Variants in TMEM163 observed in about 807,000 individuals in gnomAD.
TMEM163 encodes transmembrane protein 163.
A neutral mutation model predicts 29.3 loss-of-function variants in TMEM163; 17 were observed. The ratio of observed to expected loss-of-function variants is 0.58; its 90% CI spans 0.40 to 0.87. The LOEUF (loss-of-function observed/expected upper bound fraction) is 0.87, where lower values mean the gene tolerates loss of function less well. Among genes scored for constraint, TMEM163 ranks in the 40% least tolerant of loss-of-function variants. TMEM163 has a pLI of 0.00. For missense variants in TMEM163, 303 were observed against 381.5 expected, an observed-to-expected ratio of 0.79 and a Z score of 1.71; for synonymous variants, 157 against 160.6, an observed-to-expected ratio of 0.98 and a Z score of 0.17.
At chr2:134,666,370 C>G (rs897734985) in intron 2 of TMEM163, among the ~76,000 whole-genome samples, 1 of 152,058 alleles carries the variant, frequency 6.6e-6, no homozygotes, top group Admixed American at 6.5e-5. Context: ...TCTCATGGCT[C>G]TCCCTCACCC....
At chr2:134,463,545 T>C (rs1426182492) in intron 6 of TMEM163, among the ~76,000 whole-genome samples, 1 of 152,220 alleles carries the variant, frequency 6.6e-6, no homozygotes, top group Non-Finnish European at 1.5e-5. Context: ...AATTCTACGA[T>C]GTCTCAGTGG....
rs536504750 is a variant in TMEM163, at chr2:134,511,399, T to C, written c.459-8402A>G. Among the ~76,000 whole-genome samples, 14 of 152,286 alleles carry C rather than the reference T, an allele frequency of 9.2e-5. No homozygotes were observed. The South Asian group carries it at 2.9e-3, about 32-fold the overall frequency. ...CCATTACCACAAGGACTTGTGTTTT[T>C]CCACTAAGGATGGCAGGGCACCACT... On this transcript the variant is annotated intron_variant, in intron 4 of 7. Transcript: ENST00000281924.
rs536560442 is a variant in TMEM163, at chr2:134,592,528, G to T, written c.323-40437C>A. On this transcript the variant is annotated intron_variant, in intron 2 of 7. Coordinates refer to ENST00000281924, the MANE Select transcript of TMEM163 (RefSeq NM_030923.5). ...AAAGAATCTGTTTTGTCAGTGTTAG[G>T]ATCTCTATTTTAATGTTAATGCTGG... Among the ~76,000 whole-genome samples the T allele has an allele frequency of 7.9e-5, 12 of 152,264 alleles. 1 individual carries two copies. The South Asian group carries it at 2.5e-3, about 32-fold the overall frequency.
At chr2:134,616,626 T>C (rs1682614275) in intron 2 of TMEM163, among the ~76,000 whole-genome samples, 1 of 152,194 alleles carries the variant, frequency 6.6e-6, no homozygotes, top group Non-Finnish European at 1.5e-5. Flanking sequence ...TTTATTTCTA[T>C]TTTTTAATTC....
chr2:134,710,656 G>C (rs562848935), intron 2 of TMEM163, among the ~76,000 whole-genome samples: 1 of 150,792 alleles, frequency 6.6e-6, no homozygotes, highest in East Asian at 1.9e-4. Context: ...AAAAAAAAGT[G>C]TTAAAAAATC....
intron 2 of TMEM163, among the ~76,000 whole-genome samples, chr2:134,684,065 T>C (rs928106380): frequency 6.6e-6 from 1 of 152,138 alleles, no homozygotes; most frequent in Non-Finnish European, 1.5e-5. Flanking sequence ...TTAGGACCAA[T>C]ACTCACCATG....
At chr2:134,704,405 C>T (rs115816475) in intron 2 of TMEM163, among the ~76,000 whole-genome samples, 27 of 152,208 alleles carry the variant, frequency 1.8e-4, no homozygotes, top group African/African-American at 5.1e-4. Context: ...CATGTCCCTG[C>T]GGCAGCCCAC....
chr2:134,553,748 G>T (rs1032164061), intron 2 of TMEM163, among the ~76,000 whole-genome samples: 1 of 152,210 alleles, frequency 6.6e-6, no homozygotes, highest in Admixed American at 6.5e-5. Flanking sequence ...AGCCAGCTGT[G>T]CATGGTGACC....
intron 2 of TMEM163, among the ~76,000 whole-genome samples, chr2:134,578,136 A>G (rs1024492539): frequency 6.6e-6 from 1 of 152,228 alleles, no homozygotes; most frequent in Non-Finnish European, 1.5e-5. Flanking sequence ...TATTAGTTCC[A>G]TAACTTAAAA....
At position 134,507,718 on chromosome 2, in the gene TMEM163, A is replaced by T. The variant is rs755067937; in HGVS notation, c.459-4721T>A. 6.6e-4 allele frequency among the ~76,000 whole-genome samples: 100 copies of T among 152,298 alleles called. 1 individual carries two copies. Among genetic ancestry groups the T allele is most frequent in the Non-Finnish European group, 1.2e-3 (79 of 68,024 alleles). On this transcript the variant is annotated intron_variant, in intron 4 of 7. Transcript: ENST00000281924. ...TCCACAAAAAATAAATTAGCTGGGC[A>T]TGGTGGTGTGTGCCTGTAGTCCCAG... is the stretch of plus-strand genomic sequence containing the variant.
intron 4 of TMEM163, among the ~76,000 whole-genome samples, chr2:134,545,742 C>T (rs967763947): frequency 1.3e-5 from 2 of 152,200 alleles, no homozygotes; most frequent in Non-Finnish European, 2.9e-5. Context: ...GCCACTCACT[C>T]TACCCTAAAT....
intron 6 of TMEM163, among the ~76,000 whole-genome samples, chr2:134,464,526 T>G (rs569048804): frequency 3.2e-4 from 48 of 152,140 alleles, no homozygotes; most frequent in African/African-American, 9.6e-4. Context: ...ACCCCCAACA[T>G]CTTCAGGCCT....
Position 134,472,450 on chromosome 2 carries a change from C to G in TMEM163, c.556-6225G>C, listed in dbSNP as rs1686827038. Among the ~76,000 whole-genome samples, 3 of 152,040 alleles carry G rather than the reference C, an allele frequency of 2.0e-5. No individual in the cohort carries two copies. In the South Asian group the frequency reaches 6.2e-4, roughly 32 times the overall value. ...TATAGTAAGATCCTTTTTATCTAAC[C>G]AAAAATATTACAAGGCTATGAGAAA... On this transcript the variant is annotated intron_variant, in intron 5 of 7. Coordinates refer to ENST00000281924, the MANE Select transcript of TMEM163 (RefSeq NM_030923.5).
intron 2 of TMEM163, among the ~76,000 whole-genome samples, chr2:134,697,389 G>T (rs1684605708): frequency 6.6e-6 from 1 of 151,834 alleles, no homozygotes; most frequent in South Asian, 2.1e-4. Context: ...CAGCCTGGTT[G>T]CTAAAAGTTT....
chr2:134,558,662 A>C (rs1412839056), intron 2 of TMEM163, among the ~76,000 whole-genome samples: 1 of 152,218 alleles, frequency 6.6e-6, no homozygotes, highest in African/African-American at 2.4e-5. Flanking sequence ...GGATGCCAGC[A>C]AGGCAACAGA....
chr2:134,599,693 CTTT>C (rs559714595), intron 2 of TMEM163, among the ~76,000 whole-genome samples: 5 of 130,972 alleles, frequency 3.8e-5, no homozygotes, highest in Admixed American at 1.6e-4. Context: ...CCAACTTTAT[CTTT>C]TTTTTTTTTT....
intron 5 of TMEM163, among the ~76,000 whole-genome samples, chr2:134,482,629 C>T (rs1482292384): frequency 1.3e-5 from 2 of 152,124 alleles, no homozygotes; most frequent in African/African-American, 4.8e-5. Context: ...GTCTTGAGAA[C>T]TTTTCATCAC....
chr2:134,660,004 G>A (rs912275735), intron 2 of TMEM163, among the ~76,000 whole-genome samples: 1 of 152,174 alleles, frequency 6.6e-6, no homozygotes, highest in Non-Finnish European at 1.5e-5. Context: ...AGTTCATGAA[G>A]AAAGTGAAAC....
chr2:134,585,736 C>T lies in TMEM163; in HGVS notation c.323-33645G>A, dbSNP rs373513499. Reference sequence around the variant, plus strand: ...CAGCCTGGGCGACAGAGCGAGACTCCGTCTCAAAAAAAAAAAAAATACCTG... The same window carrying T: ...CAGCCTGGGCGACAGAGCGAGACTCTGTCTCAAAAAAAAAAAAAATACCTG... On this transcript the variant is annotated intron_variant, in intron 2 of 7. Transcript: ENST00000281924. Among the ~76,000 whole-genome samples, 33 of 114,548 alleles carry T rather than the reference C, an allele frequency of 2.9e-4. No homozygotes were observed. In the South Asian group the frequency reaches 6.8e-3, roughly 24 times the overall value. The allele number at this position is 114,548 out of a possible 152,430, so 75.1% of individuals were successfully genotyped here.
Sources: gnomAD v4.1 joint callset for allele counts (sites outside exome capture counted in the v4.1 genomes callset) on GRCh38, gnomAD v4.1.1 for gene constraint, MANE v1.5 for transcripts, NCBI Gene and HGNC (gene_info 2026-07-23, HGNC 2026-07-21) for gene names.